Variants in PLXNA1 observed in about 807,000 individuals in gnomAD.
The protein encoded by PLXNA1 is plexin A1.
In PLXNA1, 77 loss-of-function variants were observed where a neutral mutation model predicts 191.7. The ratio of observed to expected loss-of-function variants is 0.40; its 90% CI spans 0.33 to 0.49. The LOEUF (loss-of-function observed/expected upper bound fraction) is 0.49. Ranked by LOEUF, PLXNA1 falls within the 20% of genes least tolerant of loss-of-function variation. PLXNA1 has a pLI of 0.63. For missense variants in PLXNA1, 2,110 were observed against 2,660.2 expected (o/e 0.79, Z 4.55); for synonymous variants, 1,137 against 1,156.4 (o/e 0.98, Z 0.34).
At chr3:126,997,404 A>G (rs866107632) in intron 3 of PLXNA1, among the ~76,000 whole-genome samples, 2 of 152,262 alleles carry the variant, frequency 1.3e-5, no homozygotes, top group South Asian at 4.2e-4. Flanking sequence ...GTCAATGGGC[A>G]TGAGGCAGGT....
Position 127,029,055 on chromosome 3 carries a change from GACA to G in PLXNA1, c.4735_4737del (p.Asn1579del). The G allele has an allele frequency of 1.2e-6, 2 of 1,613,816 alleles. No homozygotes were observed. Among genetic ancestry groups the G allele is most frequent in the Non-Finnish European group, 1.7e-6 (2 of 1,179,924 alleles). ...GGACGAGGACGTCACCACCAAGATT[GACA>G]ACGATTGGAAGAGGCTGAACACACT... On this transcript the variant is annotated inframe_deletion, in exon 26 of 32. Coordinates refer to ENST00000393409, the MANE Select transcript of PLXNA1 (RefSeq NM_032242.4).
At chr3:127,031,188 T>C (rs1210253941) in intron 29 of PLXNA1, among the ~76,000 whole-genome samples, 1 of 152,172 alleles carries the variant, frequency 6.6e-6, no homozygotes, top group Admixed American at 6.5e-5. Context: ...CCTCACTCCT[T>C]ACTCAGGACC....
At chr3:126,990,003 A>G (rs909787605) in intron 2 of PLXNA1, among the ~76,000 whole-genome samples, 2 of 152,352 alleles carry the variant, frequency 1.3e-5, no homozygotes. Context: ...GCTCCCAGCC[A>G]TGATGCTGTC....
chr3:127,007,260 C>G (rs6786143), intron 8 of PLXNA1, among the ~76,000 whole-genome samples: 3 of 152,144 alleles, frequency 2.0e-5, no homozygotes, highest in Admixed American at 1.3e-4. Flanking sequence ...GGCAGAGCGC[C>G]TACAGTGGCC....
chr3:127,010,973 C>A (rs1277657218), intron 9 of PLXNA1, among the ~76,000 whole-genome samples: 1 of 152,196 alleles, frequency 6.6e-6, no homozygotes, highest in Non-Finnish European at 1.5e-5. Flanking sequence ...GTGCCCTGAG[C>A]CACCCGTTTT....
rs775416730 is a variant in PLXNA1 at position 126,989,624 on chromosome 3, G to T, written c.1031G>T (p.Gly344Val). 3 of 1,613,112 alleles carry T rather than the reference G, an allele frequency of 1.9e-6. No homozygotes were observed. The highest frequency in any genetic ancestry group is 2.5e-6 in the Non-Finnish European group (3 of 1,179,966). ...EDVLFTVFAQ[G>V]QKNRVKPPKE... The stretch of plus-strand genomic sequence containing the variant: ...GTGCTGTTCACTGTGTTCGCCCAGG[G>T]CCAGAAGAACCGCGTGAAGCCACCA... The change falls in exon 2 of 32, where the codon GGC (glycine) becomes GTC (valine). Residue 344 changes from glycine to valine, a missense_variant. By Grantham distance (109) the Gly-to-Val change is moderately radical. Around this residue, in one of 4 missense-constraint regions of PLXNA1, gnomAD observed 903 missense variants for 1,015.7 expected, o/e 0.89. Coordinates refer to ENST00000393409, the MANE Select transcript of PLXNA1 (RefSeq NM_032242.4).
chr3:127,014,222 C>T lies in PLXNA1; in HGVS notation c.2451C>T (p.Gly817=), dbSNP rs1273711905. ...YKCPALRESC[G]LCLKADPRFE... is the part of the protein sequence containing the mutation. ...GCCCGGCCCTGCGCGAGAGCTGCGG[C>T]CTCTGCCTCAAGGCCGACCCGCGCT... Residue 817 remains glycine, a synonymous_variant, in exon 12 of 32, where the codon GGC becomes GGT. Coordinates refer to ENST00000393409, the MANE Select transcript of PLXNA1 (RefSeq NM_032242.4). 6.2e-7 allele frequency: 1 copy of T among 1,607,734 alleles called. No homozygotes were observed. Among genetic ancestry groups the T allele is most frequent in the Non-Finnish European group, 8.5e-7 (1 of 1,176,954 alleles).
chr3:127,020,440 A>T (rs2079146767), intron 21 of PLXNA1, 96 bp downstream of exon 21: 3 of 1,471,480 alleles, frequency 2.0e-6, no homozygotes, highest in Non-Finnish European at 2.8e-6. Flanking sequence ...GGTATGGGGC[A>T]GCCTGTGTGG....
At position 127,028,093 on chromosome 3, in the gene PLXNA1, G is replaced by A. The variant is rs187604259; in HGVS notation, c.4509+7G>A. The A allele has an allele frequency of 4.4e-4, 704 of 1,613,922 alleles. 9 individuals are homozygous for A. The East Asian group carries it at 0.014, about 32-fold the overall frequency. ...GATTGACTACAAGACACTGGTGAGCGTGGCTGCCCTCTGTCCTGGGTGCCC... is the reference window on the plus strand; with the variant it reads ...GATTGACTACAAGACACTGGTGAGCATGGCTGCCCTCTGTCCTGGGTGCCC... On this transcript the variant is annotated splice_region_variant and intron_variant, in intron 24 of 31. Transcript: ENST00000393409.
intron 23 of PLXNA1, chr3:127,027,023 G>A (rs1415783320): frequency 6.2e-6 from 1 of 161,008 alleles, no homozygotes; most frequent in Non-Finnish European, 1.4e-5. Flanking sequence ...TCCCACTCCA[G>A]AGGGGTTGCC....
chr3:126,995,678 AAG>A (rs1428417068), intron 3 of PLXNA1, among the ~76,000 whole-genome samples: 4 of 152,234 alleles, frequency 2.6e-5, no homozygotes, highest in Non-Finnish European at 5.9e-5. Flanking sequence ...TCCACGTTGT[AAG>A]AGAGTATAAC....
At position 127,034,126 on chromosome 3, in the gene PLXNA1, C is replaced by T. The variant is rs7621885; in HGVS notation, c.*109C>T. On this transcript the variant is annotated 3_prime_UTR_variant, in exon 32 of 32. Coordinates refer to ENST00000393409, the MANE Select transcript of PLXNA1 (RefSeq NM_032242.4). Reference sequence around the variant, plus strand: ...GTGTCCGGTGGTGCTCGGGCCGCCGCAGTGCAGCGACTGCCCGGCCCTCCC... The same window carrying T: ...GTGTCCGGTGGTGCTCGGGCCGCCGTAGTGCAGCGACTGCCCGGCCCTCCC... 6.9e-6 allele frequency: 7 copies of T among 1,014,634 alleles called. No individual in the cohort carries two copies. The highest frequency in any genetic ancestry group is 1.0e-5 in the Non-Finnish European group (7 of 695,534). The allele number at this position is 1,014,634 out of a possible 1,614,324, so 62.9% of individuals were successfully genotyped here. A position where few individuals can be genotyped will look rare whatever the true frequency, so the allele number is the denominator to read the frequency against.
intron 9 of PLXNA1, among the ~76,000 whole-genome samples, chr3:127,008,899 G>T (rs960081626): frequency 1.3e-5 from 2 of 152,200 alleles, no homozygotes; most frequent in African/African-American, 4.8e-5. Flanking sequence ...GTAGCCCGGG[G>T]CAGCAGGGAC....
chr3:127,032,619 G>A lies in PLXNA1; in HGVS notation c.5444+20G>A, dbSNP rs772640919. On this transcript the variant is annotated intron_variant, in intron 30 of 31. Coordinates refer to ENST00000393409, the MANE Select transcript of PLXNA1 (RefSeq NM_032242.4). ...GGAGAGGTAGGTGGAGGGTGCAGGG[G>A]TCGGGGGCAGGGGCCCGGGGGCAGC... is the stretch of plus-strand genomic sequence containing the variant. 118 of 1,611,038 alleles carry A rather than the reference G, an allele frequency of 7.3e-5. No homozygotes were observed. The highest frequency in any genetic ancestry group is 9.4e-5 in the Non-Finnish European group (111 of 1,178,466).
At chr3:127,002,279 G>T (rs1280354567) in intron 3 of PLXNA1, among the ~76,000 whole-genome samples, 1 of 152,236 alleles carries the variant, frequency 6.6e-6, no homozygotes, top group African/African-American at 2.4e-5. Flanking sequence ...TGGTGGCGAG[G>T]CAGCTGAGCG....
chr3:126,990,766 C>T (rs1413260645), intron 2 of PLXNA1, among the ~76,000 whole-genome samples: 10 of 152,210 alleles, frequency 6.6e-5, no homozygotes, highest in Admixed American at 5.2e-4. Flanking sequence ...TTGGCAGATG[C>T]GGTTGTCCAC....
chr3:127,022,376 G>A (rs765529512), intron 22 of PLXNA1, 35 bp downstream of exon 22: 7 of 1,595,334 alleles, frequency 4.4e-6, no homozygotes, highest in Non-Finnish European at 5.1e-6. Context: ...GGGGGAGGCA[G>A]GCCCATGCCT....
chr3:126,993,009 C>G (rs573792453), intron 3 of PLXNA1, among the ~76,000 whole-genome samples: 27 of 152,262 alleles, frequency 1.8e-4, no homozygotes, highest in African/African-American at 5.8e-4. Context: ...GTGGGGCGCC[C>G]CAGAGCCTGT....
chr3:126,987,092 G>A (rs2078962649), intron 1 of PLXNA1, among the ~76,000 whole-genome samples: 1 of 152,224 alleles, frequency 6.6e-6, no homozygotes, highest in African/African-American at 2.4e-5. Context: ...CAAGGGGGTG[G>A]CACTGCTGAC....
Sources: allele counts gnomAD v4.1 joint callset (sites outside exome capture counted in the v4.1 genomes callset), GRCh38; gene constraint gnomAD v4.1.1; regional missense constraint gnomAD v4.1.1; transcripts MANE v1.5; gene names NCBI Gene and HGNC (gene_info 2026-07-23, HGNC 2026-07-21).